The following LONP2 variants were observed in gnomAD, a reference collection of about 807,000 sequenced individuals.
The protein encoded by LONP2 is lon protease homolog 2, peroxisomal.
In LONP2, 60 loss-of-function variants were observed where a neutral mutation model predicts 85.6. That is an observed-to-expected ratio of 0.70 (90% CI 0.57 to 0.87). The LOEUF (loss-of-function observed/expected upper bound fraction) is 0.87, where lower values mean the gene tolerates loss of function less well. Ranked by LOEUF, LONP2 falls within the 40% of genes least tolerant of loss-of-function variation. The pLI is 0.00. For missense variants in LONP2, 860 were observed against 1,063.5 expected (o/e 0.81, Z 2.66); for synonymous variants, 395 against 389.7 (o/e 1.01, Z -0.16).
intron 9 of LONP2, among the ~76,000 whole-genome samples, chr16:48,297,865 A>G (rs752073347): frequency 2.0e-5 from 3 of 152,092 alleles, no homozygotes; most frequent in Non-Finnish European, 4.4e-5. Context: ...ACGCCCAGCT[A>G]ATTTTTGTAT....
chr16:48,303,318 G>A lies in LONP2; in HGVS notation c.1795+13G>A, dbSNP rs1013486832. 8 of 1,610,472 alleles carry A rather than the reference G, an allele frequency of 5.0e-6. No individual in the cohort carries two copies. The highest frequency in any genetic ancestry group is 5.9e-6 in the Non-Finnish European group (7 of 1,177,036). On this transcript the variant is annotated intron_variant, in intron 11 of 14. Coordinates refer to ENST00000285737, the MANE Select transcript of LONP2 (RefSeq NM_031490.5). ...ACTGAGAGAGAAGGTTGGTGACCTT[G>A]TTCTGGCATTCTCAGGCCTGGTGGC...
At chr16:48,255,101 C>T (rs74016341) in intron 2 of LONP2, among the ~76,000 whole-genome samples, 1,865 of 152,260 alleles carry the variant, frequency 0.012, 40 homozygotes, top group African/African-American at 0.042. Context: ...AGGTTTAGTA[C>T]ATCATTATGA....
In LONP2 at chr16:48,353,681, T is replaced by TTA. The variant is rs1473371713; in HGVS notation, c.*1881_*1882dup. The TTA allele has an allele frequency of 6.6e-6, 1 of 152,106 alleles. No individual in the cohort carries two copies. The highest frequency in any genetic ancestry group is 1.5e-5 in the Non-Finnish European group (1 of 68,038). 9.4% of individuals were successfully genotyped at this position (152,106 alleles called of 1,614,324 possible). On this transcript the variant is annotated 3_prime_UTR_variant, in exon 15 of 15. Coordinates refer to ENST00000285737, the MANE Select transcript of LONP2 (RefSeq NM_031490.5). ...ATTGACTATCTTAACTACTGTAATT[T>TTA]TATCATTTCCAACGTCATCTAACTG... is the stretch of plus-strand genomic sequence containing the variant.
intron 7 of LONP2, 55 bp from the exon 8 acceptor site, chr16:48,277,283 G>A (rs1324044232): frequency 1.1e-5 from 18 of 1,566,178 alleles, no homozygotes; most frequent in Admixed American, 3.7e-5. Flanking sequence ...TCTGAATGGC[G>A]TCGCTCCTGC....
At chr16:48,260,359 G>A (rs1328917015) in intron 4 of LONP2, among the ~76,000 whole-genome samples, 1 of 152,172 alleles carries the variant, frequency 6.6e-6, no homozygotes, top group Non-Finnish European at 1.5e-5. Flanking sequence ...CACTTTGGGA[G>A]GCCAAGGAAG....
intron 9 of LONP2, among the ~76,000 whole-genome samples, chr16:48,299,428 C>T (rs1368158987): frequency 6.6e-6 from 1 of 151,528 alleles, no homozygotes; most frequent in African/African-American, 2.4e-5. Context: ...ACTGAAAATA[C>T]AAAAATCAGC....
intron 1 of LONP2, among the ~76,000 whole-genome samples, chr16:48,250,121 G>A (rs1315938686): frequency 1.3e-5 from 2 of 151,390 alleles, no homozygotes; most frequent in Admixed American, 6.6e-5. Context: ...GAACCCAGGA[G>A]GCAGAGTGCA....
At chr16:48,260,918 A>G (rs920406999) in intron 4 of LONP2, among the ~76,000 whole-genome samples, 6 of 152,226 alleles carry the variant, frequency 3.9e-5, no homozygotes, top group Admixed American at 2.6e-4. Context: ...ATAGTTAACT[A>G]GAAGAAACTA....
At chr16:48,322,955 T>G (rs921401712) in intron 11 of LONP2, among the ~76,000 whole-genome samples, 2 of 152,194 alleles carry the variant, frequency 1.3e-5, no homozygotes, top group Non-Finnish European at 2.9e-5. Flanking sequence ...ATCTTTCAGG[T>G]CCGTTGTTGT....
chr16:48,295,459 A>G (rs144226357), intron 8 of LONP2, among the ~76,000 whole-genome samples: 1 of 152,356 alleles, frequency 6.6e-6, no homozygotes, highest in Non-Finnish European at 1.5e-5. Context: ...TTTTTGCTGT[A>G]TCAGAATATA....
At chr16:48,245,339 T>C (rs74016323) in intron 1 of LONP2, among the ~76,000 whole-genome samples, 1,878 of 152,328 alleles carry the variant, frequency 0.012, 42 homozygotes, top group African/African-American at 0.043. Flanking sequence ...CCTCGCCCTA[T>C]TGGTGTGACT....
chr16:48,286,537 C>T (rs1437359480), intron 8 of LONP2, among the ~76,000 whole-genome samples: 3 of 151,488 alleles, frequency 2.0e-5, no homozygotes, highest in Admixed American at 2.0e-4. Flanking sequence ...GGGTCTCGCT[C>T]TGTCACCCAG....
At chr16:48,291,993 T>C (rs530492212) in intron 8 of LONP2, among the ~76,000 whole-genome samples, 7 of 152,194 alleles carry the variant, frequency 4.6e-5, no homozygotes, top group South Asian at 2.1e-4. Context: ...TGGGCAGATA[T>C]TGGGGAAAGA....
At chr16:48,262,005 C>CT (rs1971889287) in intron 5 of LONP2, among the ~76,000 whole-genome samples, 1 of 152,092 alleles carries the variant, frequency 6.6e-6, no homozygotes. Flanking sequence ...CTTTATAACT[C>CT]TTATTACATT....
intron 8 of LONP2, among the ~76,000 whole-genome samples, chr16:48,292,005 G>A (rs1386399750): frequency 6.6e-6 from 1 of 152,172 alleles, no homozygotes; most frequent in Non-Finnish European, 1.5e-5. Flanking sequence ...GGGGAAAGAG[G>A]AAGAAATTTT....
chr16:48,301,986 A>G (rs975546222), intron 10 of LONP2, among the ~76,000 whole-genome samples: 8 of 152,200 alleles, frequency 5.3e-5, no homozygotes, highest in Non-Finnish European at 8.8e-5. Context: ...AAAATTAAAC[A>G]CCCAGAATTG....
Position 48,334,270 on chromosome 16 carries a change from C to A in LONP2, c.1850C>A (p.Thr617Asn). The A allele has an allele frequency of 6.2e-7, 1 of 1,614,074 alleles. No homozygotes were observed. Among genetic ancestry groups the A allele is most frequent in the Non-Finnish European group, 8.5e-7 (1 of 1,179,908 alleles). ...AAACCTGAATCTATCAGTGACACTA[C>A]TGACTTGGCTCTACCACCTGAAATG... Reference protein sequence around the residue: ...DEKPESISDTTDLALPPEMPI... With the variant: ...DEKPESISDTNDLALPPEMPI... Residue 617 changes from threonine (T) to asparagine (N), a missense_variant, in exon 12 of 15, where the codon ACT becomes AAT. Coordinates refer to ENST00000285737, the MANE Select transcript of LONP2 (RefSeq NM_031490.5).
intron 11 of LONP2, among the ~76,000 whole-genome samples, chr16:48,329,123 A>G (rs1279446993): frequency 6.6e-6 from 1 of 152,174 alleles, no homozygotes; most frequent in Non-Finnish European, 1.5e-5. Context: ...ATTTTGGACT[A>G]TATCATTTCA....
chr16:48,297,144 A>G (rs1358107888), intron 9 of LONP2, among the ~76,000 whole-genome samples: 3 of 151,782 alleles, frequency 2.0e-5, no homozygotes, highest in Non-Finnish European at 2.9e-5. Context: ...AGTAGCTGAG[A>G]TTACAGGCAC....
Sources: allele counts gnomAD v4.1 joint callset (sites outside exome capture counted in the v4.1 genomes callset), GRCh38; gene constraint gnomAD v4.1.1; transcripts MANE v1.5; gene names NCBI Gene and HGNC (gene_info 2026-07-23, HGNC 2026-07-21).